The following FRMD8 variants were observed in gnomAD, a reference collection of about 807,000 sequenced individuals.
The protein encoded by FRMD8 is FERM domain containing 8, also known as FERM domain-containing protein 8.
In FRMD8, 37 loss-of-function variants were observed where a neutral mutation model predicts 54.2. The ratio of observed to expected loss-of-function variants is 0.68; its 90% CI spans 0.53 to 0.90. The LOEUF (loss-of-function observed/expected upper bound fraction) is 0.90. Ranked by LOEUF, FRMD8 falls within the 40% of genes least tolerant of loss-of-function variation. FRMD8 has a pLI of 0.00. For synonymous variants in FRMD8, 246 were observed against 286.9 expected (o/e 0.86, Z 1.44); for missense variants, 585 against 653.7 (o/e 0.89, Z 1.15).
At chr11:65,387,348 CTG>C in intron 2 of FRMD8, 1 of 639,216 alleles carries the variant, frequency 1.6e-6, no homozygotes, top group South Asian at 1.8e-5. Context: ...TTTAACATAG[CTG>C]TGAAATTCAA....
At position 65,388,159 on chromosome 11, in the gene FRMD8, C is replaced by T. The variant is rs1414496856; in HGVS notation, c.85+1038C>T. ...AGCCTGGGCAACGAGGGTGAAACTC[C>T]GTCTCAAAAAAAAAAAAAAACAGGG... On this transcript the variant is annotated intron_variant, in intron 2 of 10. Coordinates refer to ENST00000317568, the MANE Select transcript of FRMD8 (RefSeq NM_031904.5). 3.8e-4 allele frequency among the ~76,000 whole-genome samples: 56 copies of T among 149,290 alleles called. 2 individuals are homozygous for T. The highest frequency in any genetic ancestry group is 3.3e-4 in the Admixed American group (5 of 15,020).
the FRMD8 span, among the ~76,000 whole-genome samples, chr11:65,372,753 AC>A: frequency 1.3e-5 from 2 of 152,048 alleles, no homozygotes; most frequent in Non-Finnish European, 2.9e-5. Context: ...ACAGAGGACC[AC>A]TCTGACCTGT....
rs762592240 is a variant in FRMD8 at position 65,404,835 on chromosome 11, C to T, written c.1072-29C>T. The T allele has an allele frequency of 1.0e-5, 16 of 1,582,898 alleles. No individual in the cohort carries two copies. The South Asian group carries it at 1.8e-4, about 18-fold the overall frequency. ...AACAGGCATGGAAGGGGGCCCTGGC[C>T]AGGCCTCACACTGCCCCCTCCTCCC... is the stretch of plus-strand genomic sequence containing the variant. On this transcript the variant is annotated intron_variant, in intron 9 of 10. Transcript: ENST00000317568. The surrounding 1 kb of genome is among the most constrained non-coding windows in gnomAD (Gnocchi z 4.7).
At chr11:65,379,796 G>C in the FRMD8 span, 63 of 1,575,140 alleles carry the variant, frequency 4.0e-5, no homozygotes, top group Non-Finnish European at 8.7e-6. Context: ...CTGCTGGAGA[G>C]GGAAGCTGGT....
intron 3 of FRMD8, 85 bp downstream of exon 3, chr11:65,389,613 G>A (rs188782777): frequency 3.0e-5 from 42 of 1,382,400 alleles, no homozygotes; most frequent in East Asian, 7.6e-5. Context: ...GTTTGGAGCC[G>A]CTGGGGAGCC....
At chr11:65,370,240 T>C in the FRMD8 span, among the ~76,000 whole-genome samples, 4 of 150,138 alleles carry the variant, frequency 2.7e-5, no homozygotes, top group Non-Finnish European at 5.9e-5. Context: ...AAGAAGGGCA[T>C]GTGCAAACGT....
chr11:65,389,250 G>A, intron 2 of FRMD8, 111 bp from the exon 3 acceptor site: 1 of 1,010,308 alleles, frequency 9.9e-7, no homozygotes. Flanking sequence ...CACCCCTGAG[G>A]GGTGTAGGGT....
At chr11:65,396,665 G>A (rs778813248) in intron 6 of FRMD8, 134 bp from the exon 7 acceptor site, 3 of 550,542 alleles carry the variant, frequency 5.4e-6, no homozygotes, top group Non-Finnish European at 9.2e-6. Context: ...TCCCCTTGTG[G>A]GCTCCTTACC....
chr11:65,373,340 T>G, the FRMD8 span, among the ~76,000 whole-genome samples: 1 of 152,198 alleles, frequency 6.6e-6, no homozygotes, highest in Admixed American at 6.5e-5. Flanking sequence ...GTGTTTTCCA[T>G]AGGAGGAGCA....
At chr11:65,377,554 G>A in the FRMD8 span, 3 of 332,886 alleles carry the variant, frequency 9.0e-6, no homozygotes, top group South Asian at 2.3e-4. Flanking sequence ...TCAGAGGCCC[G>A]GAGGGGCACA....
At chr11:65,370,199 C>A in the FRMD8 span, among the ~76,000 whole-genome samples, 1 of 151,218 alleles carries the variant, frequency 6.6e-6, no homozygotes, top group African/African-American at 2.4e-5. Flanking sequence ...ACAGCCTGGG[C>A]AACAGAGCGA....
chr11:65,377,410 GGCAGTGA>G, the FRMD8 span: 4 of 1,179,920 alleles, frequency 3.4e-6, no homozygotes, highest in Admixed American at 8.8e-5. Flanking sequence ...CCCTAAAGCC[GGCAGTGA>G]GCATACCTGT....
Position 65,411,521 on chromosome 11 carries a change from G to A in FRMD8, c.*161G>A, listed in dbSNP as rs557821801. On this transcript the variant is annotated 3_prime_UTR_variant, in exon 11 of 11. Transcript: ENST00000317568. ...CGGAGAAGTGACTTTTGGGCCCGGG[G>A]CCATGCCCGGGCTGTGCAAAGCTGG... 749 of 532,786 alleles carry A rather than the reference G, an allele frequency of 1.4e-3. 14 individuals are homozygous for A. The South Asian group carries it at 0.018, about 13-fold the overall frequency. The allele number at this position is 532,786 out of a possible 1,614,324, so 33.0% of individuals were successfully genotyped here. A position where few individuals can be genotyped will look rare whatever the true frequency, so the allele number is the denominator to read the frequency against.
chr11:65,386,056 A>C (rs1045488917), upstream of FRMD8, among the ~76,000 whole-genome samples: 3 of 152,044 alleles, frequency 2.0e-5, no homozygotes, highest in Non-Finnish European at 4.4e-5. Flanking sequence ...TCGGCCTCCC[A>C]AAGTGCTGGG....
intron 6 of FRMD8, 44 bp downstream of exon 6, chr11:65,394,469 G>A: frequency 6.5e-7 from 1 of 1,533,886 alleles, no homozygotes. Flanking sequence ...GGGTGGGGGA[G>A]TTTGTCCTTG....
chr11:65,393,714 C>T (rs1331784087), intron 4 of FRMD8, 40 bp downstream of exon 4: 1 of 1,516,566 alleles, frequency 6.6e-7, no homozygotes. Context: ...TCGGGACCAC[C>T]TGAGTCTGCA....
At chr11:65,410,700 G>GA (rs997405023) in intron 10 of FRMD8, among the ~76,000 whole-genome samples, 24 of 152,112 alleles carry the variant, frequency 1.6e-4, no homozygotes, top group African/African-American at 5.6e-4. Flanking sequence ...TGAGGTAGGA[G>GA]AATGGTGTGA....
chr11:65,388,166 A>C, intron 2 of FRMD8, among the ~76,000 whole-genome samples: 1 of 146,314 alleles, frequency 6.8e-6, no homozygotes, highest in South Asian at 2.1e-4. Context: ...CTCCGTCTCA[A>C]AAAAAAAAAA....
chr11:65,384,247 G>A (rs1288273730), upstream of FRMD8, among the ~76,000 whole-genome samples: 4 of 152,030 alleles, frequency 2.6e-5, no homozygotes, highest in Non-Finnish European at 5.9e-5. Context: ...GTCATCCTGG[G>A]GTTCAAGGCC....
Sources: gnomAD v4.1 joint callset for allele counts (sites outside exome capture counted in the v4.1 genomes callset) on GRCh38, gnomAD v4.1.1 for gene constraint, Gnocchi (gnomAD v3.1) non-coding constraint, MANE v1.5 for transcripts, NCBI Gene and HGNC (gene_info 2026-07-23, HGNC 2026-07-21) for gene names.